ARHGEF10: variants seen among roughly 807,000 people sequenced by gnomAD.
The protein encoded by ARHGEF10 is Rho guanine nucleotide exchange factor 10.
A neutral mutation model predicts 147.4 loss-of-function variants in ARHGEF10; 140 were observed. That is an observed-to-expected ratio of 0.95 (90% CI 0.83 to 1.09). ARHGEF10 has a LOEUF of 1.09. ARHGEF10 is among the 50% of genes least tolerant of loss of function. The probability of loss-of-function intolerance (pLI) is 0.00; values close to 1 mark genes in which losing one functional copy is unlikely to be tolerated. For missense variants in ARHGEF10, 2,222 were observed against 1,752.7 expected (o/e 1.27, Z -4.78); for synonymous variants, 902 against 695.8 (o/e 1.30, Z -4.67).
In ARHGEF10 at chr8:1,898,537, A is replaced by C. The variant is rs1484347679; in HGVS notation, c.1650+12A>C. On this transcript the variant is annotated intron_variant, in intron 15 of 28. Coordinates refer to ENST00000349830, the MANE Select transcript of ARHGEF10 (RefSeq NM_014629.4). ...TCCTCCTGCTCCAGGTAAGTGCTTC[A>C]CGGAGACCTCCTCAAGCTAGTCCTC... 3 of 1,611,468 alleles carry C rather than the reference A, an allele frequency of 1.9e-6. No individual in the cohort carries two copies. Among genetic ancestry groups the C allele is most frequent in the Non-Finnish European group, 2.5e-6 (3 of 1,177,742 alleles).
intron 25 of ARHGEF10, among the ~76,000 whole-genome samples, chr8:1,930,259 C>T (rs1813017006): frequency 6.6e-6 from 1 of 152,116 alleles, no homozygotes; most frequent in South Asian, 2.1e-4. Flanking sequence ...CTCCCCACGG[C>T]CGGGAGCGAC....
Position 1,898,444 on chromosome 8 carries a change from G to A in ARHGEF10, c.1569G>A (p.Glu523=), listed in dbSNP as rs1323797935. The A allele has an allele frequency of 1.2e-6, 2 of 1,614,080 alleles. No individual in the cohort carries two copies. The highest frequency in any genetic ancestry group is 1.7e-6 in the Non-Finnish European group (2 of 1,180,020). ...GCCTTCCCCCACAGCAGGAACAGGAGGCCAGCCCCGATCGAACCACGCTCT... is the reference window on the plus strand; with the variant it reads ...GCCTTCCCCCACAGCAGGAACAGGAAGCCAGCCCCGATCGAACCACGCTCT... ...AFLEFLKQEQ[E]ASPDRTTLYS... Residue 523 remains glutamate (E), a synonymous_variant, in exon 15 of 29, where the codon GAG becomes GAA. Transcript: ENST00000349830.
chr8:1,858,902 T>C, intron 3 of ARHGEF10: 1 of 92,640 alleles, frequency 1.1e-5, no homozygotes, highest in Non-Finnish European at 2.3e-5. Flanking sequence ...TCTCGGTTGT[T>C]TGCATGCCGT....
intron 18 of ARHGEF10, among the ~76,000 whole-genome samples, chr8:1,920,013 T>TCA (rs1812134288): frequency 2.0e-5 from 3 of 146,866 alleles, no homozygotes; most frequent in Non-Finnish European, 4.5e-5. Context: ...AGCTGTTCTG[T>TCA]GGATGATGGA....
In ARHGEF10 at chr8:1,894,373, C is replaced by T; in HGVS notation, c.1261-20C>T. The T allele has an allele frequency of 1.2e-6, 2 of 1,613,956 alleles. No individual in the cohort carries two copies. Among genetic ancestry groups the T allele is most frequent in the Non-Finnish European group, 1.7e-6 (2 of 1,179,926 alleles). On this transcript the variant is annotated intron_variant, in intron 12 of 28. Coordinates refer to ENST00000349830, the MANE Select transcript of ARHGEF10 (RefSeq NM_014629.4). The stretch of plus-strand genomic sequence containing the variant: ...TCTGAAAAAGAAAAGTCTGAACTGT[C>T]TTTGCTCATTTTGTCTTAGCAATAT...
At chr8:1,911,305 G>T (rs2069168) in intron 18 of ARHGEF10, among the ~76,000 whole-genome samples, 27 of 151,712 alleles carry the variant, frequency 1.8e-4, no homozygotes, top group Admixed American at 1.6e-3. Flanking sequence ...TTTTTATCAC[G>T]TCTCTATGGA....
chr8:1,946,191 TG>T (rs1814575474), intron 27 of ARHGEF10, among the ~76,000 whole-genome samples: 1 of 152,084 alleles, frequency 6.6e-6, no homozygotes, highest in Admixed American at 6.5e-5. Flanking sequence ...AGGAAAGAAA[TG>T]AGGAGGGGGC....
intron 6 of ARHGEF10, among the ~76,000 whole-genome samples, chr8:1,867,660 G>A (rs1307131033): frequency 1.3e-5 from 2 of 152,168 alleles, no homozygotes; most frequent in Non-Finnish European, 2.9e-5. Flanking sequence ...AGTCCCACCT[G>A]CGGCTTCAAA....
At position 1,957,669 on chromosome 8, in the gene ARHGEF10, A is replaced by G. The variant is rs1023594895; in HGVS notation, c.*406A>G. ...AATATATGTATTCAGTAGTGCAGGCATTTATTAACAATTCTTAAAAGTTTT... is the reference window on the plus strand; with the variant it reads ...AATATATGTATTCAGTAGTGCAGGCGTTTATTAACAATTCTTAAAAGTTTT... On this transcript the variant is annotated 3_prime_UTR_variant, in exon 29 of 29. Coordinates refer to ENST00000349830, the MANE Select transcript of ARHGEF10 (RefSeq NM_014629.4). The G allele has an allele frequency of 2.4e-5, 4 of 169,346 alleles. No homozygotes were observed. The highest frequency in any genetic ancestry group is 9.5e-5 in the African/African-American group (4 of 41,984). 10.5% of individuals were successfully genotyped at this position (169,346 alleles called of 1,614,324 possible). A position where few individuals can be genotyped will look rare whatever the true frequency, so the allele number is the denominator to read the frequency against.
chr8:1,841,028 C>T (rs528920128), intron 1 of ARHGEF10, among the ~76,000 whole-genome samples: 17 of 152,300 alleles, frequency 1.1e-4, no homozygotes, highest in Admixed American at 7.8e-4. Context: ...CCCCCTCTCC[C>T]GGCCGGTGGG....
chr8:1,953,156 T>C (rs1467286789), intron 28 of ARHGEF10, among the ~76,000 whole-genome samples: 2 of 147,004 alleles, frequency 1.4e-5, no homozygotes, highest in Non-Finnish European at 2.9e-5. Context: ...TTTTATATTG[T>C]GAAGAAGGAA....
chr8:1,885,712 G>C lies in ARHGEF10; in HGVS notation c.1182+5G>C. On this transcript the variant is annotated splice_donor_5th_base_variant and intron_variant, in intron 11 of 28. Coordinates refer to ENST00000349830, the MANE Select transcript of ARHGEF10 (RefSeq NM_014629.4). ...GAGGGTTTATCTCAGCAGCAGGTGA[G>C]ATGAGCAGAGCTGACAGGGGCTGTT... is the stretch of plus-strand genomic sequence containing the variant. 1 of 1,608,066 alleles carries C rather than the reference G, an allele frequency of 6.2e-7. No homozygotes were observed. Among genetic ancestry groups the C allele is most frequent in the Non-Finnish European group, 8.5e-7 (1 of 1,174,594 alleles).
intron 27 of ARHGEF10, among the ~76,000 whole-genome samples, chr8:1,951,756 C>G (rs1815067791): frequency 6.6e-6 from 1 of 152,226 alleles, no homozygotes; most frequent in Admixed American, 6.5e-5. Context: ...TGGGGATTAG[C>G]TTTTCTGTGT....
chr8:1,952,819 A>C lies in ARHGEF10; in HGVS notation c.3512A>C (p.Lys1171Thr). Residue 1171 changes from lysine (K) to threonine (T), a missense_variant, in exon 28 of 29, where the codon AAA becomes ACA. Physicochemically the swap from Lys to Thr is moderately conservative, Grantham distance 78. Coordinates refer to ENST00000349830, the MANE Select transcript of ARHGEF10 (RefSeq NM_014629.4). ...GTCCCACGTCTGCAAGGGATTCCCA[A>C]AGTGACCGGTGAGTGGCACCTGCAG... ...LPVPRLQGIP[K>T]VTGRGMVSYH... 3 of 1,613,886 alleles carry C rather than the reference A, an allele frequency of 1.9e-6. No homozygotes were observed. Among genetic ancestry groups the C allele is most frequent in the Non-Finnish European group, 2.5e-6 (3 of 1,180,050 alleles).
At chr8:1,869,342 C>G (rs530342078) in intron 7 of ARHGEF10, 92 bp downstream of exon 7, 2 of 1,086,574 alleles carry the variant, frequency 1.8e-6, no homozygotes, top group Non-Finnish European at 2.8e-6. Flanking sequence ...ACGGCCCAGA[C>G]GTTTTCTGTA....
intron 1 of ARHGEF10, among the ~76,000 whole-genome samples, chr8:1,831,807 C>G (rs112252587): frequency 6.6e-6 from 1 of 152,240 alleles, no homozygotes; most frequent in African/African-American, 2.4e-5. Flanking sequence ...AGTGTGTTGA[C>G]TTTCACGTCG....
chr8:1,829,144 T>A (rs1802941175), intron 1 of ARHGEF10, among the ~76,000 whole-genome samples: 1 of 152,256 alleles, frequency 6.6e-6, no homozygotes, highest in Admixed American at 6.5e-5. Context: ...GTTGCACTCA[T>A]GTCGGGCCTG....
chr8:1,870,706 C>G (rs1807038309), intron 7 of ARHGEF10: 1 of 152,158 alleles, frequency 6.6e-6, no homozygotes, highest in South Asian at 2.1e-4. Flanking sequence ...ACAGCATAGC[C>G]TTAAGATATA....
chr8:1,928,701 GGGCGTGGTGGGGA>G, intron 24 of ARHGEF10, 51 bp downstream of exon 24: 1 of 1,590,974 alleles, frequency 6.3e-7, no homozygotes, highest in Non-Finnish European at 8.6e-7. Flanking sequence ...TGCCCATGGA[GGGCGTGGTGGGGA>G]GCCTGTCCTG....
Sources: allele counts gnomAD v4.1 joint callset (sites outside exome capture counted in the v4.1 genomes callset), GRCh38; gene constraint gnomAD v4.1.1; transcripts MANE v1.5; gene names NCBI Gene and HGNC (gene_info 2026-07-23, HGNC 2026-07-21).